Variants in DNAJC12 observed in about 807,000 individuals in gnomAD.
DNAJC12 encodes dnaJ homolog subfamily C member 12.
Under a neutral mutation model 28.5 loss-of-function variants are expected in DNAJC12, and 25 were observed. The ratio of observed to expected loss-of-function variants is 0.88; its 90% CI spans 0.64 to 1.22. The LOEUF is 1.22. Ranked by LOEUF, DNAJC12 falls within the 50% of genes most tolerant of loss-of-function variation. The probability of loss-of-function intolerance (pLI) is 0.00; values close to 1 mark genes in which losing one functional copy is unlikely to be tolerated. For missense variants in DNAJC12, 222 were observed against 231.7 expected (o/e 0.96, Z 0.27); for synonymous variants, 77 against 80.6 (o/e 0.95, Z 0.24).
chr10:67,819,779 G>GAAGGGGAA (rs1268822734), intron 2 of DNAJC12, among the ~76,000 whole-genome samples: 1 of 13,374 alleles, frequency 7.5e-5, no homozygotes, highest in African/African-American at 1.9e-4. Context: ...AGGAAGGAAG[G>GAAGGGGAA]GGAAGGAAGG....
chr10:67,830,252 A>G (rs1421837414), intron 1 of DNAJC12, among the ~76,000 whole-genome samples: 1 of 152,118 alleles, frequency 6.6e-6, no homozygotes, highest in African/African-American at 2.4e-5. Flanking sequence ...CGGAGGTTGC[A>G]GTGAGCTGAG....
At chr10:67,811,185 T>G in intron 3 of DNAJC12, 1 of 636,022 alleles carries the variant, frequency 1.6e-6, no homozygotes, top group African/African-American at 1.9e-5. Flanking sequence ...GAATGTGAAT[T>G]TACAATGGTT....
chr10:67,820,360 C>T (rs1589609587), intron 2 of DNAJC12, among the ~76,000 whole-genome samples: 1 of 152,120 alleles, frequency 6.6e-6, no homozygotes, highest in Non-Finnish European at 1.5e-5. Flanking sequence ...AAAGAAGCTA[C>T]ACACAAAAGA....
chr10:67,803,504 C>T (rs1841768903), intron 4 of DNAJC12, among the ~76,000 whole-genome samples: 1 of 152,184 alleles, frequency 6.6e-6, no homozygotes, highest in African/African-American at 2.4e-5. Flanking sequence ...AACAGCAAGT[C>T]TATACTACTT....
intron 4 of DNAJC12, among the ~76,000 whole-genome samples, chr10:67,799,605 C>T (rs1841717006): frequency 1.3e-5 from 2 of 152,152 alleles, no homozygotes; most frequent in Admixed American, 6.5e-5. Flanking sequence ...TAGTTTCTGG[C>T]CAGGTGCGGT....
chr10:67,820,777 C>CTT (rs71006170), intron 2 of DNAJC12, among the ~76,000 whole-genome samples: 157 of 68,482 alleles, frequency 2.3e-3, no homozygotes, highest in African/African-American at 2.6e-3. Context: ...TTCTTTTTTC[C>CTT]TTTTTTTTTT....
intron 3 of DNAJC12, among the ~76,000 whole-genome samples, chr10:67,810,413 G>T (rs1038010673): frequency 2.6e-5 from 4 of 152,120 alleles, no homozygotes; most frequent in Non-Finnish European, 4.4e-5. Flanking sequence ...GCTGTGGCTC[G>T]TTTGAGGAAT....
intron 1 of DNAJC12, among the ~76,000 whole-genome samples, chr10:67,823,691 A>T (rs530870506): frequency 2.1e-4 from 22 of 106,912 alleles, no homozygotes; most frequent in Admixed American, 1.3e-3. Flanking sequence ...ACACAGCAAG[A>T]TCTTATCTCA....
At chr10:67,803,908 CAG>C (rs1251243218) in intron 4 of DNAJC12, among the ~76,000 whole-genome samples, 5 of 152,232 alleles carry the variant, frequency 3.3e-5, no homozygotes. Flanking sequence ...GGGTAACCAA[CAG>C]AGACATCTGA....
At chr10:67,827,839 T>C (rs117168496) in intron 1 of DNAJC12, among the ~76,000 whole-genome samples, 14,285 of 152,262 alleles carry the variant, frequency 0.094, 871 homozygotes, top group Middle Eastern at 0.18. Flanking sequence ...AGAAAGTCTA[T>C]ATCTTTCTTT....
At chr10:67,834,652 A>G (rs914172632) in intron 1 of DNAJC12, among the ~76,000 whole-genome samples, 1 of 152,138 alleles carries the variant, frequency 6.6e-6, no homozygotes, top group African/African-American at 2.4e-5. Context: ...ACATGGTGAA[A>G]GCTCATCTGT....
chr10:67,802,332 C>T (rs929919415), intron 4 of DNAJC12, among the ~76,000 whole-genome samples: 1 of 152,128 alleles, frequency 6.6e-6, no homozygotes, highest in Admixed American at 6.5e-5. Flanking sequence ...AAAAGAAAAG[C>T]ACTCAGGACA....
chr10:67,816,620 A>G (rs1185637594), intron 2 of DNAJC12, among the ~76,000 whole-genome samples: 1 of 146,532 alleles, frequency 6.8e-6, no homozygotes, highest in African/African-American at 2.6e-5. Context: ...ACCTCAGCTC[A>G]CTGCAACCAC....
At chr10:67,804,951 G>A (rs1490735989) in intron 4 of DNAJC12, among the ~76,000 whole-genome samples, 1 of 152,160 alleles carries the variant, frequency 6.6e-6, no homozygotes, top group African/African-American at 2.4e-5. Flanking sequence ...AGAATCACTT[G>A]AACCCAGGAG....
At chr10:67,814,512 T>A (rs559007189) in intron 2 of DNAJC12, among the ~76,000 whole-genome samples, 1 of 152,126 alleles carries the variant, frequency 6.6e-6, no homozygotes, top group Non-Finnish European at 1.5e-5. Context: ...AATAGATAAA[T>A]TGGACTACAT....
At chr10:67,806,862 G>T (rs563447522) in intron 3 of DNAJC12, among the ~76,000 whole-genome samples, 41 of 150,940 alleles carry the variant, frequency 2.7e-4, no homozygotes, top group African/African-American at 7.3e-4. Context: ...GGAAGGAAAG[G>T]CACCAAAATA....
chr10:67,822,203 A>AAG (rs546085560), intron 2 of DNAJC12, among the ~76,000 whole-genome samples: 107 of 152,320 alleles, frequency 7.0e-4, no homozygotes, highest in African/African-American at 2.4e-3. Flanking sequence ...GGGGCAACAG[A>AAG]AGAGTCACAA....
At chr10:67,819,464 C>T (rs115397879) in intron 2 of DNAJC12, among the ~76,000 whole-genome samples, 2,331 of 151,230 alleles carry the variant, frequency 0.015, 67 homozygotes, top group African/African-American at 0.053. Flanking sequence ...CATGGTGAAA[C>T]CCCTTTTGCA....
rs553566375 is a variant in DNAJC12, at chr10:67,816,533, A to C, written c.158-4870T>G. On this transcript the variant is annotated intron_variant, in intron 2 of 4. Coordinates refer to ENST00000225171, the MANE Select transcript of DNAJC12 (RefSeq NM_021800.3). Reference sequence around the variant, plus strand: ...ACCATTCCACAGGTTCTTAGTCTGAAGTTTACTTTCTTTTTTTTTTTTTTT... The same window carrying C: ...ACCATTCCACAGGTTCTTAGTCTGACGTTTACTTTCTTTTTTTTTTTTTTT... Among the ~76,000 whole-genome samples, 36 of 133,050 alleles carry C rather than the reference A, an allele frequency of 2.7e-4. No homozygotes were observed. In the Admixed American group the frequency reaches 2.9e-3, roughly 11 times the overall value. 87.3% of individuals were successfully genotyped at this position (133,050 alleles called of 152,430 possible). A position where few individuals can be genotyped will look rare whatever the true frequency, so the allele number is the denominator to read the frequency against.
Sources: gnomAD v4.1 joint callset for allele counts (sites outside exome capture counted in the v4.1 genomes callset) on GRCh38, gnomAD v4.1.1 for gene constraint, MANE v1.5 for transcripts, NCBI Gene and HGNC (gene_info 2026-07-23, HGNC 2026-07-21) for gene names.